Variants in OR8K5 observed in about 807,000 individuals in gnomAD.
OR8K5 encodes olfactory receptor family 8 subfamily K member 5, also known as olfactory receptor 8K5.
For missense variants in OR8K5, 433 were observed against 363.9 expected, an observed-to-expected ratio of 1.19 and a Z score of -1.54; for synonymous variants, 154 against 133.7, an observed-to-expected ratio of 1.15 and a Z score of -1.05.
In OR8K5 at chr11:56,160,287, C is replaced by T. The variant is rs79004948; in HGVS notation, c.31G>A (p.Glu11Lys). Residue 11 changes from glutamate (E) to lysine (K), a missense_variant, in exon 1 of 1, where the codon GAA becomes AAA. Physicochemically the swap from Glu to Lys is moderately conservative, Grantham distance 56. Transcript: ENST00000313447. The stretch of plus-strand genomic sequence containing the variant: ...CTTGTGAGTTCCATCAGAATGAATT[C>T]AGTTAGCACTGTTAGATTGTGTTGG... MGQHNLTVLT[E>K]FILMELTRRP... 7.6e-3 allele frequency: 12,262 copies of T among 1,613,820 alleles called. 619 individuals are homozygous for T. The East Asian group carries it at 0.12, about 16-fold the overall frequency.
chr11:56,159,704 A>T lies in OR8K5; in HGVS notation c.614T>A (p.Phe205Tyr), dbSNP rs768415577. ...IELLSILFSV[F>Y]NLISSFLIVL... ...TATCAGAAAGGAGGAGATCAAATTAAATACAGAAAATAGTATGCTCAACAA... is the reference window on the plus strand; with the variant it reads ...TATCAGAAAGGAGGAGATCAAATTATATACAGAAAATAGTATGCTCAACAA... Residue 205 changes from phenylalanine to tyrosine, a missense_variant, in exon 1 of 1, where the codon TTT becomes TAT. By Grantham distance (22) the Phe-to-Tyr change is conservative (BLOSUM62 3). Transcript: ENST00000313447. 19 of 1,613,922 alleles carry T rather than the reference A, an allele frequency of 1.2e-5. No homozygotes were observed. The East Asian group carries it at 2.2e-4, about 19-fold the overall frequency.
At position 56,159,433 on chromosome 11, in the gene OR8K5, T is replaced by C. The variant is rs1382141176; in HGVS notation, c.885A>G (p.Glu295=). Residue 295 remains glutamate, a synonymous_variant, in exon 1 of 1, where the codon GAA becomes GAG. Transcript: ENST00000313447. ...LNPLIYSLRN[E]EVKNAFYKLF... is the part of the protein sequence containing the mutation. ...GCTTATAGAAGGCATTTTTCACCTC[T>C]TCGTTTCTTAAGCTGTAAATCAAAG... 3 of 1,610,480 alleles carry C rather than the reference T, an allele frequency of 1.9e-6. No homozygotes were observed. The highest frequency in any genetic ancestry group is 2.5e-6 in the Non-Finnish European group (3 of 1,178,490).
chr11:56,160,306 G>T lies in OR8K5; in HGVS notation c.12C>A (p.His4Gln), dbSNP rs779016262. The change falls in exon 1 of 1, where the codon CAC becomes CAA. Residue 4 changes from histidine to glutamine, a missense_variant. His to Gln is a conservative substitution (Grantham distance 24). Coordinates refer to ENST00000313447, the MANE Select transcript of OR8K5 (RefSeq NM_001004058.2). MGQ[H>Q]NLTVLTEFIL... is the part of the protein sequence containing the mutation. ...TGAATTCAGTTAGCACTGTTAGATT[G>T]TGTTGGCCCATTTAGTCCAGTTATC... 10 of 1,612,364 alleles carry T rather than the reference G, an allele frequency of 6.2e-6. No homozygotes were observed. Among genetic ancestry groups the T allele is most frequent in the African/African-American group, 1.3e-5 (1 of 74,884 alleles).
At position 56,159,589 on chromosome 11, in the gene OR8K5, G is replaced by A; in HGVS notation, c.729C>T (p.Ser243=). 6.2e-7 allele frequency: 1 copy of A among 1,614,008 alleles called. No homozygotes were observed. The highest frequency in any genetic ancestry group is 8.5e-7 in the Non-Finnish European group (1 of 1,179,936). Residue 243 remains serine, a synonymous_variant, in exon 1 of 1, where the codon TCC becomes TCT. Transcript: ENST00000313447. ...GRKKAFSTCG[S]HLTVVVVFYG... The stretch of plus-strand genomic sequence containing the variant: ...AGAACACAACCACCACTGTCAAATG[G>A]GAACCACATGTGGAGAAAGCCTTTT...
rs1554966702 is a variant in OR8K5 at position 56,159,615 on chromosome 11, T to C, written c.703A>G (p.Lys235Glu). 2.5e-6 allele frequency: 4 copies of C among 1,614,066 alleles called. No individual in the cohort carries two copies. The highest frequency in any genetic ancestry group is 3.4e-6 in the Non-Finnish European group (4 of 1,179,930). Residue 235 changes from lysine (K) to glutamate (E), a missense_variant, in exon 1 of 1, where the codon AAA (lysine) becomes GAA (glutamate). Lys to Glu is a moderately conservative substitution (Grantham distance 56). Coordinates refer to ENST00000313447, the MANE Select transcript of OR8K5 (RefSeq NM_001004058.2). Reference sequence around the variant, plus strand: ...GAACCACATGTGGAGAAAGCCTTTTTCCTGCCCTCTGCAGAATGCATTTGA... The same window carrying C: ...GAACCACATGTGGAGAAAGCCTTTTCCCTGCCCTCTGCAGAATGCATTTGA... ...ICQMHSAEGR[K>E]KAFSTCGSHL...
In OR8K5 at chr11:56,159,865, G is replaced by GTAGAGATATTGAATGCCC; in HGVS notation, c.435_452dup (p.Leu150_Tyr151insTer). 1 of 1,613,870 alleles carries GTAGAGATATTGAATGCCC rather than the reference G, an allele frequency of 6.2e-7. No homozygotes were observed. The highest frequency in any genetic ancestry group is 1.1e-5 in the South Asian group (1 of 91,076). On this transcript the variant is annotated stop_gained, in exon 1 of 1. Transcript: ENST00000313447. LOFTEE classifies it low-confidence loss of function (END_TRUNC). ...TGAACATCAGAGCCTGAAATGTGCTGTAGAGATATTGAATGCCCACCAGTA... is the reference window on the plus strand; with the variant it reads ...TGAACATCAGAGCCTGAAATGTGCTGTAGAGATATTGAATGCCCTAGAGATATTGAATGCCCACCAGTA...
chr11:56,159,955 G>A lies in OR8K5; in HGVS notation c.363C>T (p.Asp121=). The part of the protein sequence containing the change: ...EFFILSAMAY[D]RYVAICNPLL... ...GAGGGTTACAAATGGCCACATAGCG[G>A]TCATAGGCCATGGCTGACAGGATGA... The change falls in exon 1 of 1, where the codon GAC becomes GAT. Residue 121 remains aspartate, a synonymous_variant. Coordinates refer to ENST00000313447, the MANE Select transcript of OR8K5 (RefSeq NM_001004058.2). The A allele has an allele frequency of 6.2e-7, 1 of 1,614,030 alleles. No individual in the cohort carries two copies.
rs1403364853 is a variant in OR8K5 at position 56,159,418 on chromosome 11, G to T, written c.900C>A (p.Ala300=). Residue 300 remains alanine (A), a synonymous_variant, in exon 1 of 1, where the codon GCC becomes GCA. Transcript: ENST00000313447. ...ATCAATTCTCAAAGAGCTTATAGAA[G>T]GCATTTTTCACCTCTTCGTTTCTTA... is the stretch of plus-strand genomic sequence containing the variant. ...YSLRNEEVKN[A]FYKLFEN is the part of the protein sequence containing the mutation. 2 of 1,603,252 alleles carry T rather than the reference G, an allele frequency of 1.2e-6. No individual in the cohort carries two copies. The highest frequency in any genetic ancestry group is 1.7e-6 in the Non-Finnish European group (2 of 1,174,536).
chr11:56,159,578 A>G lies in OR8K5; in HGVS notation c.740T>C (p.Val247Ala), dbSNP rs748437830. The G allele has an allele frequency of 6.8e-6, 11 of 1,614,086 alleles. No homozygotes were observed. Among genetic ancestry groups the G allele is most frequent in the South Asian group, 5.5e-5 (5 of 91,082 alleles). ...TAGAGACCCATAGAACACAACCACC[A>G]CTGTCAAATGGGAACCACATGTGGA... ...AFSTCGSHLTVVVVFYGSLLF... is the reference protein window; with the variant it reads ...AFSTCGSHLTAVVVFYGSLLF... The change falls in exon 1 of 1, where the codon GTG becomes GCG. Residue 247 changes from valine (V) to alanine (A), a missense_variant. Transcript: ENST00000313447.
rs751205072 is a variant in OR8K5, at chr11:56,159,448, G to C, written c.870C>G (p.Tyr290Ter). The C allele has an allele frequency of 6.8e-6, 11 of 1,612,740 alleles. No homozygotes were observed. In the African/African-American group the frequency reaches 1.3e-4, roughly 20 times the overall value. Residue 290 changes from tyrosine to a stop codon, truncating the protein, a stop_gained, in exon 1 of 1, where the codon TAC becomes TAG. Coordinates refer to ENST00000313447, the MANE Select transcript of OR8K5 (RefSeq NM_001004058.2). LOFTEE classifies it low-confidence loss of function (END_TRUNC). ...TTTTCACCTCTTCGTTTCTTAAGCT[G>C]TAAATCAAAGGGTTAAGCATGGGGA... ...LVIPMLNPLI[Y>*]SLRNEEVKNA...
Position 56,159,417 on chromosome 11 carries a change from A to G in OR8K5, c.901T>C (p.Phe301Leu). 1.2e-6 allele frequency: 2 copies of G among 1,603,528 alleles called. No individual in the cohort carries two copies. The highest frequency in any genetic ancestry group is 1.7e-6 in the Non-Finnish European group (2 of 1,174,566). The change falls in exon 1 of 1, where the codon TTC becomes CTC. Residue 301 changes from phenylalanine (F) to leucine (L), a missense_variant. By Grantham distance (22) the Phe-to-Leu change is conservative. Transcript: ENST00000313447. The stretch of plus-strand genomic sequence containing the variant: ...CATCAATTCTCAAAGAGCTTATAGA[A>G]GGCATTTTTCACCTCTTCGTTTCTT... ...SLRNEEVKNA[F>L]YKLFEN is the part of the protein sequence containing the mutation.
rs1854537075 is a variant in OR8K5 at position 56,159,823 on chromosome 11, TG to T, written c.494del (p.Thr165AsnfsTer2). ...TGACATTAGAGCCACAGAAGGTCAATGTAAAAATCTTAATAGTGAACATCAG... is the reference window on the plus strand; with the variant it reads ...TGACATTAGAGCCACAGAAGGTCAATTAAAAATCTTAATAGTGAACATCAG... ...QALMFTIKIFTLTFCGSNVIS... is the reference protein window; with the variant it reads ...QALMFTIKIFXLTFCGSNVIS... On this transcript the variant is annotated frameshift_variant, in exon 1 of 1. Coordinates refer to ENST00000313447, the MANE Select transcript of OR8K5 (RefSeq NM_001004058.2). LOFTEE classifies it low-confidence loss of function (END_TRUNC). 6.2e-7 allele frequency: 1 copy of T among 1,613,916 alleles called. No homozygotes were observed. The highest frequency in any genetic ancestry group is 1.3e-5 in the African/African-American group (1 of 74,904).
rs1453543462 is a variant in OR8K5 at position 56,159,492 on chromosome 11, C to T, written c.826G>A (p.Val276Met). The T allele has an allele frequency of 1.9e-6, 3 of 1,613,708 alleles. No homozygotes were observed. In the African/African-American group the frequency reaches 4.0e-5, roughly 22 times the overall value. Residue 276 changes from valine to methionine, a missense_variant, in exon 1 of 1, where the codon GTG (valine) becomes ATG (methionine). By Grantham distance (21) the Val-to-Met change is conservative. Transcript: ENST00000313447. ...HFFDTDKMAS[V>M]FYTLVIPMLN... ...ATGGGGATTACTAAAGTGTAAAACA[C>T]AGAAGCCATTTTATCAGTATCAAAG...
rs781208303 is a variant in OR8K5, at chr11:56,159,577, C to T, written c.741G>A (p.Val247=). The T allele has an allele frequency of 7.4e-6, 12 of 1,614,080 alleles. No homozygotes were observed. Among genetic ancestry groups the T allele is most frequent in the South Asian group, 5.5e-5 (5 of 91,086 alleles). Residue 247 remains valine, a synonymous_variant, in exon 1 of 1, where the codon GTG becomes GTA. Coordinates refer to ENST00000313447, the MANE Select transcript of OR8K5 (RefSeq NM_001004058.2). ...GTAGAGACCCATAGAACACAACCAC[C>T]ACTGTCAAATGGGAACCACATGTGG... ...AFSTCGSHLT[V]VVVFYGSLLF...
In OR8K5 at chr11:56,159,647, G is replaced by C; in HGVS notation, c.671C>G (p.Ala224Gly). ...VLVSYMLILLAICQMHSAEGR... is the reference protein window; with the variant it reads ...VLVSYMLILLGICQMHSAEGR... ...CTCTGCAGAATGCATTTGACATATA[G>C]CTAACAAAATCAACATGTAGGACAC... The change falls in exon 1 of 1, where the codon GCT becomes GGT. Residue 224 changes from alanine to glycine, a missense_variant. Physicochemically the swap from Ala to Gly is moderately conservative, Grantham distance 60. Coordinates refer to ENST00000313447, the MANE Select transcript of OR8K5 (RefSeq NM_001004058.2). The C allele has an allele frequency of 6.2e-7, 1 of 1,613,846 alleles. No homozygotes were observed. The highest frequency in any genetic ancestry group is 1.3e-5 in the African/African-American group (1 of 75,038).
rs1854541773 is a variant in OR8K5 at position 56,160,168 on chromosome 11, T to C, written c.150A>G (p.Lys50=). The C allele has an allele frequency of 6.2e-7, 1 of 1,613,976 alleles. No homozygotes were observed. The highest frequency in any genetic ancestry group is 1.1e-5 in the South Asian group (1 of 91,080). The part of the protein sequence containing the change: ...VGNLTMIILT[K]LDSHLHTPMY... ...TAGGTGTATGTAAGTGGGAGTCCAG[T>C]TTGGTCAAAATGATCATAGTTAGGT... The change falls in exon 1 of 1, where the codon AAA becomes AAG. Residue 50 remains lysine, a synonymous_variant. Transcript: ENST00000313447.
chr11:56,159,718 T>C lies in OR8K5; in HGVS notation c.600A>G (p.Ile200Met). 1 of 1,612,862 alleles carries C rather than the reference T, an allele frequency of 6.2e-7. No homozygotes were observed. The highest frequency in any genetic ancestry group is 8.5e-7 in the Non-Finnish European group (1 of 1,178,868). Residue 200 changes from isoleucine (I) to methionine (M), a missense_variant, in exon 1 of 1, where the codon ATA (isoleucine) becomes ATG (methionine). Coordinates refer to ENST00000313447, the MANE Select transcript of OR8K5 (RefSeq NM_001004058.2). ...AGATCAAATTAAATACAGAAAATAG[T>C]ATGCTCAACAATTCTATTTCCTGTG... ...SNAQEIELLS[I>M]LFSVFNLISS...
chr11:56,159,916 AACATAATAG>A lies in OR8K5; in HGVS notation c.393_401del (p.Tyr132_Val134del), dbSNP rs1854538269. On this transcript the variant is annotated inframe_deletion, in exon 1 of 1. Coordinates refer to ENST00000313447, the MANE Select transcript of OR8K5 (RefSeq NM_001004058.2). Reference sequence around the variant, plus strand: ...CATGACACAGTCGCTGAGACATAATAACATAATAGAGCAGAGGGTTACAAATGGCCACAT... The same window carrying A: ...CATGACACAGTCGCTGAGACATAATAAGCAGAGGGTTACAAATGGCCACAT... 6.2e-7 allele frequency: 1 copy of A among 1,613,984 alleles called. No individual in the cohort carries two copies. Among genetic ancestry groups the A allele is most frequent in the Non-Finnish European group, 8.5e-7 (1 of 1,179,984 alleles).
Position 56,159,885 on chromosome 11 carries a change from C to G in OR8K5, c.433G>C (p.Val145Leu), listed in dbSNP as rs372949225. The G allele has an allele frequency of 6.2e-7, 1 of 1,613,832 alleles. No individual in the cohort carries two copies. The highest frequency in any genetic ancestry group is 8.5e-7 in the Non-Finnish European group (1 of 1,179,908). The part of the protein sequence containing the change: ...IMSQRLCHVL[V>L]GIQYLYSTFQ... ...GTGCTGTAGAGATATTGAATGCCCA[C>G]CAGTACATGACACAGTCGCTGAGAC... Residue 145 changes from valine (V) to leucine (L), a missense_variant, in exon 1 of 1, where the codon GTG (valine) becomes CTG (leucine). Physicochemically the swap from Val to Leu is conservative, Grantham distance 32. Coordinates refer to ENST00000313447, the MANE Select transcript of OR8K5 (RefSeq NM_001004058.2).
Sources: gnomAD v4.1 joint callset for allele counts on GRCh38, gnomAD v4.1.1 for gene constraint, MANE v1.5 for transcripts, NCBI Gene and HGNC (gene_info 2026-07-23, HGNC 2026-07-21) for gene names.